The following PHF14 variants were observed in gnomAD, a reference collection of about 807,000 sequenced individuals.
PHF14 encodes the protein PHD finger protein 14.
Under a neutral mutation model 117.9 loss-of-function variants are expected in PHF14, and 55 were observed. The observed-to-expected ratio is 0.47, with a 90% CI of 0.38 to 0.58. PHF14 has a LOEUF of 0.58. Among genes scored for constraint, PHF14 ranks in the 20% least tolerant of loss-of-function variants. PHF14 has a pLI of 0.00. For synonymous variants in PHF14, 409 were observed against 368.6 expected (o/e 1.11, Z -1.26); for missense variants, 978 against 1,122.2 (o/e 0.87, Z 1.84).
intron 13 of PHF14, among the ~76,000 whole-genome samples, chr7:11,043,070 C>G (rs1784550837): frequency 6.6e-6 from 1 of 151,756 alleles, no homozygotes; most frequent in African/African-American, 2.4e-5. Flanking sequence ...GCTTATAATT[C>G]TCTTGTTTTA....
At chr7:11,137,665 G>A (rs1478435038) in intron 17 of PHF14, among the ~76,000 whole-genome samples, 1 of 139,384 alleles carries the variant, frequency 7.2e-6, no homozygotes, top group Admixed American at 8.0e-5. Context: ...GCACAATCTC[G>A]GCTCCCTGTA....
intron 17 of PHF14, among the ~76,000 whole-genome samples, chr7:11,165,638 G>A (rs1345396866): frequency 2.0e-5 from 3 of 152,158 alleles, no homozygotes; most frequent in African/African-American, 7.2e-5. Flanking sequence ...AATTCCAGAT[G>A]CTAAAATAGT....
At chr7:11,154,004 C>T (rs1165307722) in intron 17 of PHF14, among the ~76,000 whole-genome samples, 1 of 151,562 alleles carries the variant, frequency 6.6e-6, no homozygotes, top group Non-Finnish European at 1.5e-5. Context: ...CCCAGAAGCT[C>T]CCCTGTAGGC....
chr7:11,045,170 C>G (rs989967436), intron 13 of PHF14, among the ~76,000 whole-genome samples: 1 of 152,128 alleles, frequency 6.6e-6, no homozygotes, highest in South Asian at 2.1e-4. Context: ...AGGGCTTTCC[C>G]CCAGAGGGTC....
intron 5 of PHF14, 121 bp from the exon 6 acceptor site, chr7:11,022,747 A>G: frequency 2.0e-6 from 1 of 494,942 alleles, no homozygotes; most frequent in Non-Finnish European, 3.6e-6. Context: ...GCGAGATTTT[A>G]ACATTTGATT....
chr7:11,074,302 C>A (rs1785742778), intron 16 of PHF14, among the ~76,000 whole-genome samples: 1 of 151,812 alleles, frequency 6.6e-6, no homozygotes, highest in South Asian at 2.1e-4. Context: ...GTTCTGCCTC[C>A]CGGGTTCATA....
chr7:11,155,543 C>T (rs1236094306), intron 17 of PHF14, among the ~76,000 whole-genome samples: 1 of 152,184 alleles, frequency 6.6e-6, no homozygotes, highest in Non-Finnish European at 1.5e-5. Context: ...GCTTGACCAA[C>T]TCTTTCTTAT....
chr7:11,126,654 T>C (rs1441489200), intron 17 of PHF14, among the ~76,000 whole-genome samples: 1 of 151,944 alleles, frequency 6.6e-6, no homozygotes, highest in African/African-American at 2.4e-5. Flanking sequence ...AACATGACAA[T>C]ATATTTTTCA....
In PHF14 at chr7:11,036,453, C is replaced by G; in HGVS notation, c.1638C>G (p.Ala546=). Residue 546 remains alanine (A), a synonymous_variant, in exon 9 of 18, where the codon GCC becomes GCG. Coordinates refer to ENST00000634607, the MANE Select transcript of PHF14 (RefSeq NM_001007157.2). Reference sequence around the variant, plus strand: ...ATGCCCGGCTTCAGCAGTATCGTGCCAAAGCAGAACTAGCTCGATCTACCA... The same window carrying G: ...ATGCCCGGCTTCAGCAGTATCGTGCGAAAGCAGAACTAGCTCGATCTACCA... The part of the protein sequence containing the change: ...RINARLQQYR[A]KAELARSTRP... 2 of 1,613,490 alleles carry G rather than the reference C, an allele frequency of 1.2e-6. No homozygotes were observed. Among genetic ancestry groups the G allele is most frequent in the Non-Finnish European group, 1.7e-6 (2 of 1,179,546 alleles).
chr7:10,997,978 C>T (rs569062165), intron 4 of PHF14, among the ~76,000 whole-genome samples: 1 of 152,236 alleles, frequency 6.6e-6, no homozygotes, highest in East Asian at 1.9e-4. Flanking sequence ...TTATTAAGGG[C>T]TATCTTAGAG....
At chr7:11,155,144 T>C (rs1788806596) in intron 17 of PHF14, among the ~76,000 whole-genome samples, 2 of 152,204 alleles carry the variant, frequency 1.3e-5, no homozygotes, top group South Asian at 4.1e-4. Context: ...AGGCTCCTCA[T>C]ATTTTATTTT....
At chr7:11,065,879 G>C (rs997419246) in intron 16 of PHF14, among the ~76,000 whole-genome samples, 25 of 152,198 alleles carry the variant, frequency 1.6e-4, no homozygotes, top group African/African-American at 5.8e-4. Flanking sequence ...TAAGAACCCT[G>C]GAATCCATGA....
chr7:11,135,196 G>A (rs537856943), intron 17 of PHF14, among the ~76,000 whole-genome samples: 1 of 152,126 alleles, frequency 6.6e-6, no homozygotes, highest in African/African-American at 2.4e-5. Context: ...GTGGCATAAT[G>A]GCTCTGTGCC....
At chr7:11,094,690 T>C (rs1244369279) in intron 16 of PHF14, among the ~76,000 whole-genome samples, 1 of 152,214 alleles carries the variant, frequency 6.6e-6, no homozygotes, top group Non-Finnish European at 1.5e-5. Context: ...CCAAGGCTTC[T>C]GTACTCTGAT....
At chr7:11,115,788 C>T (rs1178579218) in intron 17 of PHF14, among the ~76,000 whole-genome samples, 1 of 151,954 alleles carries the variant, frequency 6.6e-6, no homozygotes, top group Non-Finnish European at 1.5e-5. Context: ...CTTAGTCTTT[C>T]CTTAACTTTC....
chr7:11,102,728 G>A lies in PHF14; in HGVS notation c.2655-8622G>A. On this transcript the variant is annotated intron_variant, in intron 16 of 17. Coordinates refer to ENST00000634607, the MANE Select transcript of PHF14 (RefSeq NM_001007157.2). ...CTTGGACTAACAAGGCAGTAGATTT[G>A]CCTGTGTGGAATTTTTTTTCCTATT... 3 of 1,380,026 alleles carry A rather than the reference G, an allele frequency of 2.2e-6. No individual in the cohort carries two copies. The South Asian group carries it at 5.8e-5, about 26-fold the overall frequency. The allele number at this position is 1,380,026 out of a possible 1,614,324, so 85.5% of individuals were successfully genotyped here.
chr7:11,169,314 A>T, intron 17 of PHF14, 102 bp from the exon 18 acceptor site: 1 of 544,310 alleles, frequency 1.8e-6, no homozygotes, highest in Non-Finnish European at 3.3e-6. Flanking sequence ...TATTAGAATC[A>T]CAGTAGTTCA....
chr7:11,106,404 A>AC (rs1787266873), intron 16 of PHF14: 1 of 964,510 alleles, frequency 1.0e-6, no homozygotes, highest in African/African-American at 1.8e-5. Context: ...ATGATTAAAA[A>AC]CCATTTTCTA....
rs915270117 is a variant in PHF14, at chr7:11,126,350, T to A, written c.2772+14883T>A. Among the ~76,000 whole-genome samples the A allele has an allele frequency of 3.3e-5, 5 of 152,068 alleles. No individual in the cohort carries two copies. In the South Asian group the frequency reaches 1.0e-3, roughly 32 times the overall value. On this transcript the variant is annotated intron_variant, in intron 17 of 17. Transcript: ENST00000634607. ...TCAGAGTGTGAATGAAGTACATATT[T>A]TTAGGATACATTATTTACTCTTTTA...
Sources: gnomAD v4.1 joint callset for allele counts (sites outside exome capture counted in the v4.1 genomes callset) on GRCh38, gnomAD v4.1.1 for gene constraint, MANE v1.5 for transcripts, NCBI Gene and HGNC (gene_info 2026-07-23, HGNC 2026-07-21) for gene names.